DOK6: variants seen among roughly 807,000 people sequenced by gnomAD.
The protein encoded by DOK6 is downstream of tyrosine kinase 6.
In DOK6, 22 loss-of-function variants were observed where a neutral mutation model predicts 44.0. The ratio of observed to expected loss-of-function variants is 0.50; its 90% CI spans 0.36 to 0.71. DOK6 has a LOEUF of 0.71. DOK6 is among the 30% of genes least tolerant of loss of function. The probability of loss-of-function intolerance (pLI) is 0.00; values close to 1 mark genes in which losing one functional copy is unlikely to be tolerated. For synonymous variants in DOK6, 166 were observed against 145.5 expected (o/e 1.14, Z -1.01); for missense variants, 340 against 416.4 (o/e 0.82, Z 1.60).
At chr18:69,590,380 C>T (rs1286151566) in intron 2 of DOK6, among the ~76,000 whole-genome samples, 2 of 152,064 alleles carry the variant, frequency 1.3e-5, no homozygotes, top group Non-Finnish European at 2.9e-5. Flanking sequence ...GGAAGACCTG[C>T]CCATTGGTCT....
chr18:69,557,177 A>G (rs71370303), intron 1 of DOK6, among the ~76,000 whole-genome samples: 27,124 of 152,162 alleles, frequency 0.18, 2,960 homozygotes, highest in Middle Eastern at 0.34. Flanking sequence ...AATCTCAAGG[A>G]ACAAACTTTC....
chr18:69,547,351 G>A (rs138495492), intron 1 of DOK6, among the ~76,000 whole-genome samples: 3,408 of 151,318 alleles, frequency 0.023, 162 homozygotes, highest in Middle Eastern at 0.082. Flanking sequence ...TGTCTGTCTC[G>A]GCCTCCCAAA....
intron 4 of DOK6, 57 bp downstream of exon 4, chr18:69,677,910 GA>G (rs76493472): frequency 0.043 from 67,149 of 1,565,930 alleles, 1,890 homozygotes; most frequent in East Asian, 0.11. Context: ...GTAGAACTTT[GA>G]AACTGGAAAG....
intron 1 of DOK6, among the ~76,000 whole-genome samples, chr18:69,406,480 G>A (rs1358116404): frequency 6.6e-6 from 1 of 152,204 alleles, no homozygotes; most frequent in Non-Finnish European, 1.5e-5. Context: ...TGTAAGACCT[G>A]GGAGAGGTGG....
intron 1 of DOK6, among the ~76,000 whole-genome samples, chr18:69,511,277 T>C (rs1244454356): frequency 6.6e-6 from 1 of 152,152 alleles, no homozygotes; most frequent in African/African-American, 2.4e-5. Context: ...TATTCCTTTT[T>C]TGGAATGCAG....
At chr18:69,560,957 T>A (rs1165622908) in intron 1 of DOK6, among the ~76,000 whole-genome samples, 1 of 152,214 alleles carries the variant, frequency 6.6e-6, no homozygotes, top group Non-Finnish European at 1.5e-5. Flanking sequence ...GTGCTCTAAT[T>A]TTTCTGGTTG....
chr18:69,756,814 A>C (rs1979369895), intron 6 of DOK6, among the ~76,000 whole-genome samples: 1 of 152,232 alleles, frequency 6.6e-6, no homozygotes, highest in Non-Finnish European at 1.5e-5. Flanking sequence ...GACAGAGATG[A>C]TCTTTGCAAC....
chr18:69,810,725 T>C (rs1981197515), intron 7 of DOK6, among the ~76,000 whole-genome samples: 1 of 151,690 alleles, frequency 6.6e-6, no homozygotes, highest in South Asian at 2.1e-4. Context: ...TCAACATCAC[T>C]AATTATCAAG....
intron 4 of DOK6, among the ~76,000 whole-genome samples, chr18:69,685,310 A>C (rs1986128594): frequency 6.6e-6 from 1 of 152,162 alleles, no homozygotes; most frequent in African/African-American, 2.4e-5. Context: ...AAGTTGACAA[A>C]GTTAGTATGT....
intron 1 of DOK6, among the ~76,000 whole-genome samples, chr18:69,518,053 AT>A (rs1362287152): frequency 6.6e-6 from 1 of 151,948 alleles, no homozygotes; most frequent in Non-Finnish European, 1.5e-5. Context: ...CCATTTATGC[AT>A]TTCTTTGAGT....
chr18:69,689,376 G>T (rs548939051), intron 4 of DOK6, among the ~76,000 whole-genome samples: 1 of 152,226 alleles, frequency 6.6e-6, no homozygotes, highest in Non-Finnish European at 1.5e-5. Context: ...AAAGAAAATT[G>T]TTTTCTAAAT....
In DOK6 at chr18:69,528,301, G is replaced by C. The variant is rs879899951; in HGVS notation, c.67-36186G>C. ...CCATGTTCTATCAGATGCAATTATT[G>C]TCATAAATATAACGGTTATATTCTC... On this transcript the variant is annotated intron_variant, in intron 1 of 7. Transcript: ENST00000382713. Among the ~76,000 whole-genome samples, 40 of 151,786 alleles carry C rather than the reference G, an allele frequency of 2.6e-4. 1 individual carries two copies. Among genetic ancestry groups the C allele is most frequent in the Admixed American group, 4.6e-4 (7 of 15,206 alleles).
intron 1 of DOK6, among the ~76,000 whole-genome samples, chr18:69,528,362 C>T (rs1397277324): frequency 6.6e-6 from 1 of 152,016 alleles, no homozygotes. Context: ...AATATTCTAA[C>T]GTACTTAAAG....
intron 7 of DOK6, among the ~76,000 whole-genome samples, chr18:69,834,637 C>T (rs1039864169): frequency 6.6e-6 from 1 of 152,084 alleles, no homozygotes; most frequent in Non-Finnish European, 1.5e-5. Flanking sequence ...ATCATGTGTT[C>T]TCTCAAAATA....
At chr18:69,436,198 TGGGATACATGTGCAGAAC>T (rs1978974378) in intron 1 of DOK6, among the ~76,000 whole-genome samples, 1 of 151,754 alleles carries the variant, frequency 6.6e-6, no homozygotes, top group Non-Finnish European at 1.5e-5. Flanking sequence ...CTTTAAATTC[TGGGATACATGTGCAGAAC>T]GTGCAGGTTT....
At chr18:69,465,430 A>G (rs1209470134) in intron 1 of DOK6, among the ~76,000 whole-genome samples, 1 of 151,598 alleles carries the variant, frequency 6.6e-6, no homozygotes, top group East Asian at 1.9e-4. Context: ...AGCATTAGGT[A>G]TATCTCCTAA....
chr18:69,562,808 A>T (rs1982870102), intron 1 of DOK6, among the ~76,000 whole-genome samples: 1 of 152,214 alleles, frequency 6.6e-6, no homozygotes, highest in Admixed American at 6.5e-5. Flanking sequence ...ATGGGATCTA[A>T]TTAAACTAAA....
At chr18:69,579,886 T>C (rs1983326280) in intron 2 of DOK6, among the ~76,000 whole-genome samples, 1 of 152,090 alleles carries the variant, frequency 6.6e-6, no homozygotes, top group East Asian at 1.9e-4. Context: ...ACCCCCCAAA[T>C]TGCTGGGATT....
At chr18:69,638,186 C>T (rs4497792) in intron 3 of DOK6, among the ~76,000 whole-genome samples, 3 of 151,974 alleles carry the variant, frequency 2.0e-5, no homozygotes, top group African/African-American at 7.3e-5. Context: ...TGTTGTAGTG[C>T]GGAAGCAGTG....
Sources: allele counts gnomAD v4.1 joint callset (sites outside exome capture counted in the v4.1 genomes callset), GRCh38; gene constraint gnomAD v4.1.1; transcripts MANE v1.5; gene names NCBI Gene and HGNC (gene_info 2026-07-23, HGNC 2026-07-21).